GTF2F2: variants seen among roughly 807,000 people sequenced by gnomAD.
GTF2F2 encodes the protein general transcription factor IIF subunit 2.
Under a neutral mutation model 42.2 loss-of-function variants are expected in GTF2F2, and 23 were observed. The observed-to-expected ratio is 0.55, with a 90% CI of 0.39 to 0.77. The LOEUF is 0.77. Among genes scored for constraint, GTF2F2 ranks in the 30% least tolerant of loss-of-function variants. The pLI is 0.00. For synonymous variants in GTF2F2, 105 were observed against 100.8 expected (o/e 1.04, Z -0.25); for missense variants, 261 against 287.2 (o/e 0.91, Z 0.66).
At chr13:45,221,409 C>T (rs1417555121) in intron 5 of GTF2F2, among the ~76,000 whole-genome samples, 1 of 152,038 alleles carries the variant, frequency 6.6e-6, no homozygotes, top group African/African-American at 2.4e-5. Flanking sequence ...AAATATGGGG[C>T]CTTTTGTTCA....
rs78081852 is a variant in GTF2F2, at chr13:45,181,200, A to C, written c.305-26224A>C. On this transcript the variant is annotated intron_variant, in intron 4 of 7. Coordinates refer to ENST00000340473, the MANE Select transcript of GTF2F2 (RefSeq NM_004128.3). ...AAAAAACAAACAAACAAAAAAAAAA[A>C]AAACCAGAAAAACCAAAGGTGATAT... Among the ~76,000 whole-genome samples the C allele has an allele frequency of 2.0e-3, 259 of 132,784 alleles. 8 individuals carry two copies. The highest frequency in any genetic ancestry group is 3.2e-3 in the African/African-American group (112 of 35,150). The allele number at this position is 132,784 out of a possible 152,430, so 87.1% of individuals were successfully genotyped here. A position where few individuals can be genotyped will look rare whatever the true frequency, so the allele number is the denominator to read the frequency against.
chr13:45,165,965 C>T (rs1313579422), intron 4 of GTF2F2, among the ~76,000 whole-genome samples: 2 of 151,838 alleles, frequency 1.3e-5, no homozygotes, highest in Non-Finnish European at 2.9e-5. Context: ...AGGCGCCCGC[C>T]CCTACGCCTG....
intron 5 of GTF2F2, among the ~76,000 whole-genome samples, chr13:45,212,401 G>A (rs999835646): frequency 6.6e-6 from 1 of 151,392 alleles, no homozygotes; most frequent in African/African-American, 2.4e-5. Context: ...CTACTTAAAT[G>A]CTGCATCTTC....
intron 5 of GTF2F2, chr13:45,219,326 T>C (rs923987573): frequency 1.3e-5 from 2 of 152,236 alleles, no homozygotes; most frequent in Non-Finnish European, 2.9e-5. Context: ...CTCTTTCAGC[T>C]TTCAGTTTCA....
intron 2 of GTF2F2, among the ~76,000 whole-genome samples, chr13:45,137,811 G>A (rs1869706503): frequency 6.6e-6 from 1 of 151,726 alleles, no homozygotes; most frequent in Non-Finnish European, 1.5e-5. Context: ...CCTTTTGATG[G>A]AAGCTGCTGC....
chr13:45,175,812 T>A (rs917295228), intron 4 of GTF2F2, among the ~76,000 whole-genome samples: 1 of 152,126 alleles, frequency 6.6e-6, no homozygotes, highest in Non-Finnish European at 1.5e-5. Flanking sequence ...TTAGTAGAGA[T>A]GGGGTTTCTC....
At chr13:45,205,896 A>T (rs1278194139) in intron 4 of GTF2F2, among the ~76,000 whole-genome samples, 2 of 152,086 alleles carry the variant, frequency 1.3e-5, no homozygotes, top group African/African-American at 2.4e-5. Flanking sequence ...GATATATCAG[A>T]TTTTCCCAAA....
intron 7 of GTF2F2, among the ~76,000 whole-genome samples, chr13:45,274,567 G>A (rs1876945661): frequency 6.6e-6 from 1 of 152,024 alleles, no homozygotes; most frequent in East Asian, 1.9e-4. Flanking sequence ...CTGACCTCGT[G>A]ATCCGCCCAC....
At chr13:45,212,367 G>A (rs9595260) in intron 5 of GTF2F2, among the ~76,000 whole-genome samples, 5,504 of 151,942 alleles carry the variant, frequency 0.036, 150 homozygotes, top group Non-Finnish European at 0.052. Flanking sequence ...CATATGCTTG[G>A]CACTTGCCCA....
intron 1 of GTF2F2, among the ~76,000 whole-genome samples, chr13:45,128,244 G>T (rs1356089029): frequency 2.0e-5 from 3 of 147,686 alleles, no homozygotes; most frequent in Non-Finnish European, 4.5e-5. Context: ...ACAGGTGTGA[G>T]CCACTGTGCC....
intron 5 of GTF2F2, chr13:45,220,937 ATG>A (rs145850282): frequency 0.052 from 7,469 of 144,000 alleles, 284 homozygotes; most frequent in African/African-American, 0.11. Context: ...CTTAAAATGT[ATG>A]TGTGTGTGTG....
chr13:45,282,525 A>G (rs1283632584), intron 7 of GTF2F2, among the ~76,000 whole-genome samples: 2 of 152,120 alleles, frequency 1.3e-5, no homozygotes, highest in Admixed American at 6.5e-5. Flanking sequence ...GTTTTTTGAG[A>G]CAGAGTTTCA....
chr13:45,263,744 A>G (rs1876446325), intron 6 of GTF2F2: 1 of 153,602 alleles, frequency 6.5e-6, no homozygotes, highest in East Asian at 1.9e-4. Flanking sequence ...AACGCCATGC[A>G]TCTGAGGTTT....
Position 45,271,757 on chromosome 13 carries a change from G to T in GTF2F2, c.630+4381G>T, listed in dbSNP as rs573324064. Among the ~76,000 whole-genome samples, 33 of 152,140 alleles carry T rather than the reference G, an allele frequency of 2.2e-4. No homozygotes were observed. The East Asian group carries it at 6.4e-3, about 29-fold the overall frequency. On this transcript the variant is annotated intron_variant, in intron 7 of 7. Coordinates refer to ENST00000340473, the MANE Select transcript of GTF2F2 (RefSeq NM_004128.3). ...AGTAGAGATGGGGTTTTGCCATGTT[G>T]GCCAGGCTGGTCTCAAACTCCTGAC... is the stretch of plus-strand genomic sequence containing the variant.
intron 4 of GTF2F2, among the ~76,000 whole-genome samples, chr13:45,180,904 A>G (rs908706400): frequency 2.0e-5 from 3 of 152,030 alleles, no homozygotes; most frequent in African/African-American, 4.8e-5. Context: ...GGTCACGCCT[A>G]TAATCCCAGC....
intron 6 of GTF2F2, among the ~76,000 whole-genome samples, chr13:45,254,459 A>G (rs1876015113): frequency 6.6e-6 from 1 of 152,178 alleles, no homozygotes; most frequent in Non-Finnish European, 1.5e-5. Context: ...CATTTATTGC[A>G]TACATATTAT....
intron 4 of GTF2F2, among the ~76,000 whole-genome samples, chr13:45,197,355 AAAATT>A (rs1219273492): frequency 6.6e-6 from 1 of 151,362 alleles, no homozygotes; most frequent in Non-Finnish European, 1.5e-5. Context: ...AAAAAAAAAA[AAAATT>A]AGCTGGGGTG....
At chr13:45,275,151 T>A (rs1231120735) in intron 7 of GTF2F2, among the ~76,000 whole-genome samples, 1 of 152,186 alleles carries the variant, frequency 6.6e-6, no homozygotes, top group Admixed American at 6.5e-5. Flanking sequence ...TTCTTACACC[T>A]GGCTTCTTTA....
At chr13:45,199,168 G>T (rs1452976095) in intron 4 of GTF2F2, among the ~76,000 whole-genome samples, 1 of 152,210 alleles carries the variant, frequency 6.6e-6, no homozygotes, top group Non-Finnish European at 1.5e-5. Flanking sequence ...ACATGTCATT[G>T]CAGTCCAAAG....
Sources: gnomAD v4.1 joint callset for allele counts (sites outside exome capture counted in the v4.1 genomes callset) on GRCh38, gnomAD v4.1.1 for gene constraint, MANE v1.5 for transcripts, NCBI Gene and HGNC (gene_info 2026-07-23, HGNC 2026-07-21) for gene names.